The following KAT6B variants were observed in gnomAD, a reference collection of about 807,000 sequenced individuals.
KAT6B encodes histone acetyltransferase KAT6B.
A neutral mutation model predicts 187.5 loss-of-function variants in KAT6B; 10 were observed. The ratio of observed to expected loss-of-function variants is 0.05; its 90% CI spans 0.03 to 0.09. The LOEUF (loss-of-function observed/expected upper bound fraction) is 0.09, where lower values mean the gene tolerates loss of function less well. KAT6B is among the 10% of genes least tolerant of loss of function. The probability of loss-of-function intolerance (pLI) is 1.00; values close to 1 mark genes in which losing one functional copy is unlikely to be tolerated. For missense variants in KAT6B, 1,952 were observed against 2,558.9 expected (o/e 0.76, Z 5.12); for synonymous variants, 861 against 926.8 (o/e 0.93, Z 1.29).
chr10:74,899,565 G>A (rs1846242966), intron 3 of KAT6B, among the ~76,000 whole-genome samples: 3 of 152,106 alleles, frequency 2.0e-5, no homozygotes, highest in South Asian at 2.1e-4. Flanking sequence ...ATGAGCCACC[G>A]CGCCCGACCT....
chr10:74,888,280 G>A (rs575784282), intron 3 of KAT6B, among the ~76,000 whole-genome samples: 1 of 152,148 alleles, frequency 6.6e-6, no homozygotes, highest in Non-Finnish European at 1.5e-5. Flanking sequence ...TGTAATGTCT[G>A]TATCACCAAA....
rs943988703 is a variant in KAT6B at position 74,969,952 on chromosome 10, A to G, written c.847-68A>G. The G allele has an allele frequency of 3.3e-6, 4 of 1,201,996 alleles. No individual in the cohort carries two copies. In the African/African-American group the frequency reaches 6.0e-5, roughly 18 times the overall value. The allele number at this position is 1,201,996 out of a possible 1,614,324, so 74.5% of individuals were successfully genotyped here. ...ATATTGTATTAATGTTAATCCAGTAACAAAAGAATTTTTGGCCTTTTACAG... is the reference window on the plus strand; with the variant it reads ...ATATTGTATTAATGTTAATCCAGTAGCAAAAGAATTTTTGGCCTTTTACAG... On this transcript the variant is annotated intron_variant, in intron 5 of 17. Transcript: ENST00000287239.
At chr10:74,950,568 A>G (rs1031190480) in intron 3 of KAT6B, among the ~76,000 whole-genome samples, 12 of 152,234 alleles carry the variant, frequency 7.9e-5, no homozygotes, top group Admixed American at 5.2e-4. Context: ...CATGATCTCT[A>G]TCCTAATTAG....
chr10:74,919,740 A>G (rs560778879), intron 3 of KAT6B, among the ~76,000 whole-genome samples: 1 of 152,234 alleles, frequency 6.6e-6, no homozygotes, highest in African/African-American at 2.4e-5. Flanking sequence ...TCAGTCTCCA[A>G]TTAAACATAT....
chr10:74,908,958 C>T (rs1846996415), intron 3 of KAT6B, among the ~76,000 whole-genome samples: 1 of 152,132 alleles, frequency 6.6e-6, no homozygotes, highest in South Asian at 2.1e-4. Flanking sequence ...GGTCTCTGAA[C>T]CAAGGTTTCT....
At chr10:74,958,021 G>A (rs187141473) in intron 3 of KAT6B, among the ~76,000 whole-genome samples, 13 of 152,314 alleles carry the variant, frequency 8.5e-5, no homozygotes, top group Admixed American at 6.5e-4. Flanking sequence ...CGTAAAGCCT[G>A]TGCATATTAT....
intron 4 of KAT6B, among the ~76,000 whole-genome samples, chr10:74,961,008 C>T (rs1054639602): frequency 3.3e-5 from 5 of 152,068 alleles, no homozygotes; most frequent in East Asian, 1.9e-4. Context: ...GAAGGTTTAA[C>T]GTGATAGGCC....
chr10:74,898,427 T>G (rs1421329948), intron 3 of KAT6B, among the ~76,000 whole-genome samples: 1 of 152,148 alleles, frequency 6.6e-6, no homozygotes, highest in Non-Finnish European at 1.5e-5. Context: ...ATTGTCTCAG[T>G]GGGTCTTCAC....
At position 75,028,629 on chromosome 10, in the gene KAT6B, T is replaced by G. The variant is rs763998844; in HGVS notation, c.3805T>G (p.Phe1269Val). 6.2e-7 allele frequency: 1 copy of G among 1,613,930 alleles called. No individual in the cohort carries two copies. The highest frequency in any genetic ancestry group is 2.2e-5 in the East Asian group (1 of 44,898). Residue 1269 changes from phenylalanine to valine, a missense_variant, in exon 18 of 18, where the codon TTT becomes GTT. Phe to Val is a conservative substitution (Grantham distance 50, BLOSUM62 -1). Around this residue, in one of 9 missense-constraint regions of KAT6B, gnomAD observed 758 missense variants for 891.4 expected, o/e 0.85. Transcript: ENST00000287239. ...GCAAAACAAAGAGAGGAAGACCGGA[T>G]TTAAACTGAATTTGTACACCCCGCC... ...WRQNKERKTG[F>V]KLNLYTPPET... is the part of the protein sequence containing the mutation.
chr10:75,007,749 G>A (rs1410426142), intron 13 of KAT6B, among the ~76,000 whole-genome samples: 1 of 152,104 alleles, frequency 6.6e-6, no homozygotes, highest in East Asian at 1.9e-4. Context: ...TTTTTAGAAA[G>A]CAATCATCTT....
At position 75,000,651 on chromosome 10, in the gene KAT6B, AATT is replaced by A. The variant is rs1337468150; in HGVS notation, c.2629+11540_2629+11542del. On this transcript the variant is annotated intron_variant, in intron 13 of 17. Coordinates refer to ENST00000287239, the MANE Select transcript of KAT6B (RefSeq NM_012330.4). ...TCGTCAGTTAAGTTAAATATCAGTT[AATT>A]GTACATTCAGGCATTTCTAAAATTA... Among the ~76,000 whole-genome samples, 4 of 152,292 alleles carry A rather than the reference AATT, an allele frequency of 2.6e-5. No individual in the cohort carries two copies. The East Asian group carries it at 5.8e-4, about 22-fold the overall frequency.
At chr10:74,829,332 C>T (rs943657701) in intron 1 of KAT6B, among the ~76,000 whole-genome samples, 2 of 152,136 alleles carry the variant, frequency 1.3e-5, no homozygotes, top group Non-Finnish European at 1.5e-5. Flanking sequence ...TGGACTTTCA[C>T]GTATCAATTA....
intron 13 of KAT6B, among the ~76,000 whole-genome samples, chr10:74,992,687 TC>T (rs1288706983): frequency 2.6e-5 from 4 of 152,224 alleles, no homozygotes; most frequent in African/African-American, 7.2e-5. Flanking sequence ...ACACTGTTCT[TC>T]AGGGCAGCAG....
intron 3 of KAT6B, among the ~76,000 whole-genome samples, chr10:74,859,955 G>A (rs966152063): frequency 6.6e-6 from 1 of 152,178 alleles, no homozygotes; most frequent in African/African-American, 2.4e-5. Flanking sequence ...TTGATCAGGT[G>A]TAAATTGTAT....
intron 3 of KAT6B, among the ~76,000 whole-genome samples, chr10:74,878,676 A>G (rs1314610516): frequency 2.0e-5 from 3 of 150,324 alleles, no homozygotes; most frequent in Non-Finnish European, 4.4e-5. Flanking sequence ...TTGCAGAGGG[A>G]GGTAACTTCT....
intron 13 of KAT6B, among the ~76,000 whole-genome samples, chr10:75,010,209 G>C (rs1223885369): frequency 6.6e-6 from 1 of 152,192 alleles, no homozygotes; most frequent in Admixed American, 6.5e-5. Flanking sequence ...AAGCATTTGG[G>C]AGATAAATAA....
At chr10:74,880,196 A>G (rs1041273666) in intron 3 of KAT6B, among the ~76,000 whole-genome samples, 1 of 152,216 alleles carries the variant, frequency 6.6e-6, no homozygotes, top group Non-Finnish European at 1.5e-5. Context: ...TTACCCCAAA[A>G]TGAAATCCTA....
At chr10:74,886,385 C>G (rs547557935) in intron 3 of KAT6B, among the ~76,000 whole-genome samples, 1 of 152,326 alleles carries the variant, frequency 6.6e-6, no homozygotes, top group East Asian at 1.9e-4. Flanking sequence ...ACAGAGCCTT[C>G]TTCACCCCCA....
upstream of KAT6B, among the ~76,000 whole-genome samples, chr10:74,825,841 C>A (rs1009063997): frequency 1.3e-4 from 20 of 150,976 alleles, no homozygotes; most frequent in Non-Finnish European, 2.4e-4. This position sits in a 1 kb window ranked among gnomAD's most constrained non-coding sequence, Gnocchi z 5.0. Flanking sequence ...CTGCACCCGG[C>A]CTGGGGCTGG....
Sources: gnomAD v4.1 joint callset for allele counts (sites outside exome capture counted in the v4.1 genomes callset) on GRCh38, gnomAD v4.1.1 for gene constraint, gnomAD v4.1.1 regional missense constraint, Gnocchi (gnomAD v3.1) non-coding constraint, MANE v1.5 for transcripts, NCBI Gene and HGNC (gene_info 2026-07-23, HGNC 2026-07-21) for gene names.